The following KCNMA1 variants were observed in gnomAD, a reference collection of about 807,000 sequenced individuals.
The protein encoded by KCNMA1 is potassium calcium-activated channel subfamily M alpha 1.
A neutral mutation model predicts 140.0 loss-of-function variants in KCNMA1; 29 were observed. That is an observed-to-expected ratio of 0.21 (90% CI 0.15 to 0.28). KCNMA1 has a LOEUF of 0.28. KCNMA1 is among the 10% of genes least tolerant of loss of function. The pLI is 1.00. For synonymous variants in KCNMA1, 612 were observed against 611.9 expected (o/e 1.00, Z 0.00); for missense variants, 880 against 1,602.2 (o/e 0.55, Z 7.70).
In KCNMA1 at chr10:77,245,929, G is replaced by C. The variant is rs531171825; in HGVS notation, c.602+5266C>G. 9.2e-5 allele frequency among the ~76,000 whole-genome samples: 14 copies of C among 152,272 alleles called. No individual in the cohort carries two copies. In the South Asian group the frequency reaches 2.9e-3, roughly 32 times the overall value. ...GGTCTCATCAAGCCATTATTAGGAAGAACTGAATCAAGGCCCAAACAGACA... is the reference window on the plus strand; with the variant it reads ...GGTCTCATCAAGCCATTATTAGGAACAACTGAATCAAGGCCCAAACAGACA... On this transcript the variant is annotated intron_variant, in intron 3 of 27. Coordinates refer to ENST00000286628, the MANE Select transcript of KCNMA1 (RefSeq NM_001161352.2).
intron 21 of KCNMA1, among the ~76,000 whole-genome samples, chr10:76,950,553 C>T (rs549453034): frequency 6.6e-6 from 1 of 152,344 alleles, no homozygotes; most frequent in Non-Finnish European, 1.5e-5. Context: ...TGGTTCAATG[C>T]CTCCCATTCC....
At chr10:77,621,973 C>A (rs987146575) in intron 1 of KCNMA1, among the ~76,000 whole-genome samples, 1 of 152,146 alleles carries the variant, frequency 6.6e-6, no homozygotes, top group Non-Finnish European at 1.5e-5. Flanking sequence ...CCTCCACATA[C>A]CCCCCAGCAC....
chr10:77,380,983 T>C (rs949346209), intron 2 of KCNMA1, among the ~76,000 whole-genome samples: 10 of 152,208 alleles, frequency 6.6e-5, no homozygotes, highest in Admixed American at 2.0e-4. Flanking sequence ...GGCAACCCTG[T>C]GCTTTTCTGA....
chr10:77,100,500 G>C (rs2097070837), intron 9 of KCNMA1, among the ~76,000 whole-genome samples: 1 of 152,192 alleles, frequency 6.6e-6, no homozygotes, highest in South Asian at 2.1e-4. Context: ...TGGAACCCTT[G>C]GGACAAGAGA....
chr10:77,028,095 G>C (rs1594123839), intron 15 of KCNMA1, among the ~76,000 whole-genome samples: 1 of 152,250 alleles, frequency 6.6e-6, no homozygotes, highest in South Asian at 2.1e-4. Flanking sequence ...GTGATAAGGT[G>C]CTGGATGCTC....
At chr10:77,279,209 T>C (rs1427480336) in intron 2 of KCNMA1, among the ~76,000 whole-genome samples, 1 of 152,210 alleles carries the variant, frequency 6.6e-6, no homozygotes, top group Non-Finnish European at 1.5e-5. Context: ...AATTATTCCA[T>C]CAACTATTTA....
chr10:77,620,045 T>C (rs935849501), intron 1 of KCNMA1, among the ~76,000 whole-genome samples: 9 of 152,206 alleles, frequency 5.9e-5, no homozygotes, highest in African/African-American at 1.9e-4. Context: ...CTGGGCACTC[T>C]GCAGTGATGA....
intron 2 of KCNMA1, among the ~76,000 whole-genome samples, chr10:77,294,791 C>T (rs1353848565): frequency 2.0e-5 from 3 of 151,824 alleles, no homozygotes; most frequent in South Asian, 4.2e-4. Flanking sequence ...TGGTGCCACA[C>T]GCCTGTAATC....
chr10:77,408,463 T>G (rs1178253594), intron 1 of KCNMA1, among the ~76,000 whole-genome samples: 1 of 151,594 alleles, frequency 6.6e-6, no homozygotes, highest in African/African-American at 2.4e-5. Flanking sequence ...TGTGTGCGTT[T>G]GTGTGCACGT....
chr10:77,238,656 T>C (rs1170440830), intron 3 of KCNMA1, among the ~76,000 whole-genome samples: 1 of 152,210 alleles, frequency 6.6e-6, no homozygotes, highest in Non-Finnish European at 1.5e-5. Context: ...ACATGTTTTG[T>C]ATGTCATGCA....
At chr10:77,148,532 T>C (rs76101668) in intron 5 of KCNMA1, among the ~76,000 whole-genome samples, 1 of 151,784 alleles carries the variant, frequency 6.6e-6, no homozygotes, top group Non-Finnish European at 1.5e-5. Context: ...GTACTTGTTT[T>C]GGGGGGGATT....
At chr10:77,545,617 C>T (rs754844394) in intron 1 of KCNMA1, among the ~76,000 whole-genome samples, 2 of 152,200 alleles carry the variant, frequency 1.3e-5, no homozygotes, top group Non-Finnish European at 2.9e-5. Context: ...AGGTGCCCCC[C>T]GGGCCCTGCC....
chr10:77,323,029 G>T (rs1159647954), intron 2 of KCNMA1, among the ~76,000 whole-genome samples: 2 of 152,154 alleles, frequency 1.3e-5, no homozygotes, highest in African/African-American at 2.4e-5. Flanking sequence ...ACCAAACCAA[G>T]ATCAGAATTC....
At chr10:77,203,595 G>C (rs993941162) in intron 3 of KCNMA1, among the ~76,000 whole-genome samples, 1 of 152,082 alleles carries the variant, frequency 6.6e-6, no homozygotes, top group African/African-American at 2.4e-5. Flanking sequence ...GGAGAGCCTT[G>C]GTGTTTTGTG....
At chr10:77,229,925 C>T (rs1347026468) in intron 3 of KCNMA1, among the ~76,000 whole-genome samples, 3 of 152,150 alleles carry the variant, frequency 2.0e-5, no homozygotes, top group Non-Finnish European at 4.4e-5. Context: ...TCCTAAATGA[C>T]CCTGCAATTC....
rs144511408 is a variant in KCNMA1, at chr10:77,395,567, C to T, written c.540+8295G>A. Among the ~76,000 whole-genome samples, 16 of 152,316 alleles carry T rather than the reference C, an allele frequency of 1.1e-4. No homozygotes were observed. In the East Asian group the frequency reaches 2.9e-3, roughly 28 times the overall value. ...AATGCTGGGCAAAACAGAGCCTTTCCGCTTTCTGACTGCAGGACTTCTGTA... is the reference window on the plus strand; with the variant it reads ...AATGCTGGGCAAAACAGAGCCTTTCTGCTTTCTGACTGCAGGACTTCTGTA... On this transcript the variant is annotated intron_variant, in intron 2 of 27. Transcript: ENST00000286628.
intron 1 of KCNMA1, among the ~76,000 whole-genome samples, chr10:77,511,050 T>C (rs777969138): frequency 2.0e-5 from 3 of 152,178 alleles, no homozygotes; most frequent in Non-Finnish European, 4.4e-5. Context: ...AATTTCCACA[T>C]GCAAACACCT....
chr10:77,081,896 C>T (rs1378741134), intron 12 of KCNMA1, among the ~76,000 whole-genome samples: 1 of 151,138 alleles, frequency 6.6e-6, no homozygotes, highest in African/African-American at 2.4e-5. Flanking sequence ...AGACAAAGCC[C>T]ATTTTTAACC....
In KCNMA1 at chr10:77,286,722, G is replaced by A. The variant is rs184332004; in HGVS notation, c.541-35466C>T. Among the ~76,000 whole-genome samples the A allele has an allele frequency of 3.2e-3, 462 of 146,280 alleles. 5 individuals carry two copies. The highest frequency in any genetic ancestry group is 2.0e-3 in the Non-Finnish European group (132 of 67,174). On this transcript the variant is annotated intron_variant, in intron 2 of 27. Transcript: ENST00000286628. Reference sequence around the variant, plus strand: ...CAGCAGCAATCTTATTAGCATATCCGTAAGTCTTTGCAAATTTGACTAGGG... The same window carrying A: ...CAGCAGCAATCTTATTAGCATATCCATAAGTCTTTGCAAATTTGACTAGGG...
Sources: gnomAD v4.1 joint callset for allele counts (sites outside exome capture counted in the v4.1 genomes callset) on GRCh38, gnomAD v4.1.1 for gene constraint, MANE v1.5 for transcripts, NCBI Gene and HGNC (gene_info 2026-07-23, HGNC 2026-07-21) for gene names.